Variants in GRIN2A observed in about 807,000 individuals in gnomAD.
GRIN2A encodes the protein glutamate ionotropic receptor NMDA type subunit 2A.
In GRIN2A, 22 loss-of-function variants were observed where a neutral mutation model predicts 113.4. The observed-to-expected ratio is 0.19, with a 90% confidence interval of 0.14 to 0.28. The LOEUF (loss-of-function observed/expected upper bound fraction) is 0.28, where lower values mean the gene tolerates loss of function less well. GRIN2A is among the 10% of genes least tolerant of loss of function. The probability of loss-of-function intolerance (pLI) is 1.00; values close to 1 mark genes in which losing one functional copy is unlikely to be tolerated. For missense variants in GRIN2A, 1,502 were observed against 1,887.0 expected (o/e 0.80, Z 3.78); for synonymous variants, 827 against 738.4 (o/e 1.12, Z -1.94).
At chr16:9,891,368 G>A (rs923032483) in intron 3 of GRIN2A, among the ~76,000 whole-genome samples, 3 of 152,134 alleles carry the variant, frequency 2.0e-5, no homozygotes, top group Non-Finnish European at 2.9e-5. Context: ...TCTTCTTACA[G>A]GAAGATCTGA....
chr16:9,818,450 A>C (rs1281903437), intron 10 of GRIN2A, among the ~76,000 whole-genome samples: 1 of 152,108 alleles, frequency 6.6e-6, no homozygotes, highest in Non-Finnish European at 1.5e-5. Context: ...CCATAAGCAA[A>C]TGGTTGATAT....
At chr16:9,843,922 T>C (rs978218253) in intron 5 of GRIN2A, among the ~76,000 whole-genome samples, 43 of 152,350 alleles carry the variant, frequency 2.8e-4, no homozygotes, top group African/African-American at 1.0e-3. Flanking sequence ...TTAAAGTTGA[T>C]GGAATGTCCA....
At position 9,763,850 on chromosome 16, in the gene GRIN2A, A is replaced by G. The variant is rs2141130034; in HGVS notation, c.3694T>C (p.Ser1232Pro). ...PTYSGHFTMR[S>P]PFKCDACLRM... ...AGGCAGGCATCGCACTTGAAGGGGG[A>G]CCTCATGGTGAAGTGGCCTGAATAG... is the stretch of plus-strand genomic sequence containing the variant. The change falls in exon 13 of 13, where the codon TCC (serine) becomes CCC (proline). Residue 1232 changes from serine to proline, a missense_variant. By Grantham distance (74) the Ser-to-Pro change is moderately conservative. Around this residue, in one of 7 missense-constraint regions of GRIN2A, gnomAD observed 832 missense variants for 789.7 expected, o/e 1.05. Coordinates refer to ENST00000330684, the MANE Select transcript of GRIN2A (RefSeq NM_001134407.3). 6.2e-7 allele frequency: 1 copy of G among 1,613,764 alleles called. No individual in the cohort carries two copies. The highest frequency in any genetic ancestry group is 8.5e-7 in the Non-Finnish European group (1 of 1,179,948).
chr16:9,834,233 G>A lies in GRIN2A; in HGVS notation c.1652-3C>T, dbSNP rs2141325757. On this transcript the variant is annotated splice_region_variant and splice_polypyrimidine_tract_variant and intron_variant, in intron 7 of 12. Coordinates refer to ENST00000330684, the MANE Select transcript of GRIN2A (RefSeq NM_001134407.3). ...CCAGACAGAGGCGCTGAATGGTTCT[G>A]CAAATAAACAGATAAAGGAATGGAA... is the stretch of plus-strand genomic sequence containing the variant. The A allele has an allele frequency of 6.2e-7, 1 of 1,613,726 alleles. No individual in the cohort carries two copies. The highest frequency in any genetic ancestry group is 8.5e-7 in the Non-Finnish European group (1 of 1,179,730).
intron 2 of GRIN2A, among the ~76,000 whole-genome samples, chr16:9,987,311 T>A (rs2045996854): frequency 6.6e-6 from 1 of 152,226 alleles, no homozygotes; most frequent in South Asian, 2.1e-4. Context: ...TTATAAAACA[T>A]TAATTTTGTA....
At chr16:9,984,337 A>T (rs2045942933) in intron 2 of GRIN2A, among the ~76,000 whole-genome samples, 1 of 151,258 alleles carries the variant, frequency 6.6e-6, no homozygotes, top group Non-Finnish European at 1.5e-5. Context: ...CTTCACTCTG[A>T]TTTTTTCCTT....
chr16:10,002,980 A>G (rs2046346479), intron 2 of GRIN2A, among the ~76,000 whole-genome samples: 1 of 152,238 alleles, frequency 6.6e-6, no homozygotes. Flanking sequence ...AAAATGGAAT[A>G]AACTTTTAAG....
rs1016512455 is a variant in GRIN2A at position 9,849,602 on chromosome 16, GTC to G, written c.1328+152_1328+153del. 2.6e-5 allele frequency among the ~76,000 whole-genome samples: 4 copies of G among 152,220 alleles called. No homozygotes were observed. In the East Asian group the frequency reaches 7.7e-4, roughly 29 times the overall value. On this transcript the variant is annotated intron_variant, in intron 5 of 12. Transcript: ENST00000330684. ...GGCACATCTCTAGGAATTTATCTAA[GTC>G]TTTTTTAAATTGATTATTGTATTAT...
intron 3 of GRIN2A, among the ~76,000 whole-genome samples, chr16:9,933,307 G>C (rs182491440): frequency 4.6e-5 from 7 of 152,050 alleles, no homozygotes; most frequent in Admixed American, 2.6e-4. Context: ...CTGGTACCAC[G>C]CCCAGCCCAT....
At chr16:9,888,097 T>C (rs777189857) in intron 4 of GRIN2A, among the ~76,000 whole-genome samples, 12 of 152,152 alleles carry the variant, frequency 7.9e-5, no homozygotes, top group Admixed American at 5.2e-4. Flanking sequence ...CACACCACCA[T>C]GCCCAGCTAA....
At chr16:9,915,721 A>C (rs1488416797) in intron 3 of GRIN2A, among the ~76,000 whole-genome samples, 1 of 152,206 alleles carries the variant, frequency 6.6e-6, no homozygotes, top group Admixed American at 6.5e-5. Flanking sequence ...CTGGAGTTAA[A>C]TTATTTGGGT....
chr16:10,119,772 C>A (rs1396667205), intron 2 of GRIN2A, among the ~76,000 whole-genome samples: 1 of 152,136 alleles, frequency 6.6e-6, no homozygotes. Context: ...GTCTGTTGTT[C>A]CCCTCCCTAT....
intron 2 of GRIN2A, among the ~76,000 whole-genome samples, chr16:9,990,531 A>ATC (rs2046082727): frequency 6.9e-6 from 1 of 143,890 alleles, no homozygotes; most frequent in Non-Finnish European, 1.5e-5. Flanking sequence ...CACCCCCTGA[A>ATC]TCTCTCTCTC....
intron 2 of GRIN2A, among the ~76,000 whole-genome samples, chr16:9,975,889 C>T (rs577515428): frequency 6.6e-6 from 1 of 152,110 alleles, no homozygotes; most frequent in Non-Finnish European, 1.5e-5. Context: ...TCAGATAAAA[C>T]AGACTTCAAG....
intron 3 of GRIN2A, among the ~76,000 whole-genome samples, chr16:9,935,593 C>G: frequency 6.7e-6 from 1 of 150,374 alleles, no homozygotes; most frequent in East Asian, 2.0e-4. Context: ...AACCTCTGAA[C>G]TGTAGCAGAT....
At chr16:9,792,541 G>A (rs1187726522) in intron 11 of GRIN2A, among the ~76,000 whole-genome samples, 1 of 152,068 alleles carries the variant, frequency 6.6e-6, no homozygotes, top group East Asian at 1.9e-4. Flanking sequence ...ATATCAATGC[G>A]AGAGATATGT....
intron 2 of GRIN2A, among the ~76,000 whole-genome samples, chr16:10,151,147 G>C (rs988713246): frequency 6.6e-6 from 1 of 152,196 alleles, no homozygotes; most frequent in Non-Finnish European, 1.5e-5. Context: ...CCGCCATCTT[G>C]ATGAGTCTAT....
intron 8 of GRIN2A, among the ~76,000 whole-genome samples, chr16:9,833,823 G>A (rs1217123921): frequency 1.3e-5 from 2 of 152,036 alleles, no homozygotes; most frequent in Non-Finnish European, 2.9e-5. Context: ...GGTTTTAAGC[G>A]ATTCTCCTGC....
chr16:9,892,087 T>C (rs886696596), intron 3 of GRIN2A, among the ~76,000 whole-genome samples: 1 of 151,924 alleles, frequency 6.6e-6, no homozygotes, highest in Non-Finnish European at 1.5e-5. Context: ...AAAAATTAGC[T>C]GGGCATGGTG....
Sources: gnomAD v4.1 joint callset for allele counts (sites outside exome capture counted in the v4.1 genomes callset) on GRCh38, gnomAD v4.1.1 for gene constraint, gnomAD v4.1.1 regional missense constraint, MANE v1.5 for transcripts, NCBI Gene and HGNC (gene_info 2026-07-23, HGNC 2026-07-21) for gene names.